The following MIS18BP1 variants were observed in gnomAD, a reference collection of about 807,000 sequenced individuals.
MIS18BP1 encodes the protein MIS18 binding protein 1.
Under a neutral mutation model 116.1 loss-of-function variants are expected in MIS18BP1, and 72 were observed. That is an observed-to-expected ratio of 0.62 (90% CI 0.51 to 0.75). The LOEUF is 0.75. Among genes scored for constraint, MIS18BP1 ranks in the 30% least tolerant of loss-of-function variants. The probability of loss-of-function intolerance (pLI) is 0.00; values close to 1 mark genes in which losing one functional copy is unlikely to be tolerated. For missense variants in MIS18BP1, 1,363 were observed against 1,303.2 expected, an observed-to-expected ratio of 1.05 and a Z score of -0.71; for synonymous variants, 386 against 427.0, an observed-to-expected ratio of 0.90 and a Z score of 1.18.
At chr14:45,210,066 A>C (rs551354546) in intron 14 of MIS18BP1, 24 of 193,038 alleles carry the variant, frequency 1.2e-4, no homozygotes, top group African/African-American at 5.4e-4. Context: ...TAGAAAGACC[A>C]TCACTAATCT....
chr14:45,223,777 A>G lies in MIS18BP1; in HGVS notation c.2669+141T>C, dbSNP rs146564995. On this transcript the variant is annotated intron_variant, in intron 11 of 16. Coordinates refer to ENST00000310806, the MANE Select transcript of MIS18BP1 (RefSeq NM_018353.5). ...TACCACTAGGAGTTATGTGTAGTCTATCTCCATTCCCTGTGCAAATTATAA... is the reference window on the plus strand; with the variant it reads ...TACCACTAGGAGTTATGTGTAGTCTGTCTCCATTCCCTGTGCAAATTATAA... 685 of 600,176 alleles carry G rather than the reference A, an allele frequency of 1.1e-3. 2 individuals are homozygous for G. Among genetic ancestry groups the G allele is most frequent in the Non-Finnish European group, 1.3e-3 (482 of 360,340 alleles). 37.2% of individuals were successfully genotyped at this position (600,176 alleles called of 1,614,324 possible). A position where few individuals can be genotyped will look rare whatever the true frequency, so the allele number is the denominator to read the frequency against.
chr14:45,241,195 T>G (rs1234024240), intron 4 of MIS18BP1, among the ~76,000 whole-genome samples: 11 of 152,318 alleles, frequency 7.2e-5, no homozygotes, highest in Admixed American at 6.5e-4. Flanking sequence ...AATGGCTGGA[T>G]GCAGTGGCTC....
intron 9 of MIS18BP1, 81 bp from the exon 10 acceptor site, chr14:45,226,917 A>C: frequency 8.9e-7 from 1 of 1,127,632 alleles, no homozygotes; most frequent in African/African-American, 1.6e-5. Context: ...AGTATGCATC[A>C]AGCATACAAA....
chr14:45,206,268 A>G (rs1360888932), intron 14 of MIS18BP1, 98 bp from the exon 15 acceptor site: 7 of 745,510 alleles, frequency 9.4e-6, no homozygotes, highest in Non-Finnish European at 1.3e-5. Context: ...GTTGAACAAC[A>G]ATTGCCTAAA....
rs112079231 is a variant in MIS18BP1 at position 45,248,363 on chromosome 14, G to A, written c.-91-986C>T. Among the ~76,000 whole-genome samples, 667 of 151,934 alleles carry A rather than the reference G, an allele frequency of 4.4e-3. 10 individuals are homozygous for A. The highest frequency in any genetic ancestry group is 0.015 in the African/African-American group (620 of 41,436). ...GTTACAGGTGTGAGCCACCGCGCCC[G>A]GCCACAACTTGTTTCTTATGTATAA... On this transcript the variant is annotated intron_variant, in intron 1 of 16. Transcript: ENST00000310806.
chr14:45,237,302 T>C (rs1891456811), intron 5 of MIS18BP1, among the ~76,000 whole-genome samples: 1 of 152,216 alleles, frequency 6.6e-6, no homozygotes, highest in African/African-American at 2.4e-5. Flanking sequence ...TGTCCCAATT[T>C]AGATGTGAGA....
chr14:45,242,707 A>G, intron 3 of MIS18BP1, 54 bp downstream of exon 3: 1 of 1,511,160 alleles, frequency 6.6e-7, no homozygotes, highest in Non-Finnish European at 9.0e-7. Flanking sequence ...ATTACCTAGA[A>G]CATTTAACAA....
At position 45,231,285 on chromosome 14, in the gene MIS18BP1, T is replaced by C. The variant is rs1891271637; in HGVS notation, c.1450A>G (p.Asn484Asp). Residue 484 changes from asparagine (N) to aspartate (D), a missense_variant, in exon 8 of 17, where the codon AAC (asparagine) becomes GAC (aspartate). Transcript: ENST00000310806. ...TGTTTTTGTTTGGTCTTTTCCCTGT[T>C]CTTTTCACCAGCCCTTTAAAAACAA... ...FLEQLRAGEKNREKTKQKQKT... is the reference protein window; with the variant it reads ...FLEQLRAGEKDREKTKQKQKT... 1.3e-6 allele frequency: 2 copies of C among 1,599,782 alleles called. No individual in the cohort carries two copies. Among genetic ancestry groups the C allele is most frequent in the South Asian group, 2.3e-5 (2 of 87,756 alleles).
At chr14:45,220,756 G>A (rs1890950403) in intron 11 of MIS18BP1, among the ~76,000 whole-genome samples, 1 of 152,200 alleles carries the variant, frequency 6.6e-6, no homozygotes, top group Non-Finnish European at 1.5e-5. Flanking sequence ...GGGAGAGGGA[G>A]GAGCTTGGCA....
At position 45,211,923 on chromosome 14, in the gene MIS18BP1, A is replaced by C. The variant is rs1890684685; in HGVS notation, c.3004-1395T>G. 4.6e-5 allele frequency among the ~76,000 whole-genome samples: 7 copies of C among 152,358 alleles called. No individual in the cohort carries two copies. The South Asian group carries it at 1.4e-3, about 32-fold the overall frequency. On this transcript the variant is annotated intron_variant, in intron 13 of 16. Transcript: ENST00000310806. ...ACAAAGAGAATGTGACATTTTGAAG[A>C]AGTCGACAAATGTTGGAACCAGGTG... is the stretch of plus-strand genomic sequence containing the variant.
chr14:45,247,465 T>G, intron 1 of MIS18BP1, 88 bp from the exon 2 acceptor site: 1 of 491,688 alleles, frequency 2.0e-6, no homozygotes, highest in East Asian at 3.3e-5. Flanking sequence ...TTATACTAAT[T>G]AAAATGTTTA....
At chr14:45,222,071 CTTTT>C (rs1413054276) in intron 11 of MIS18BP1, among the ~76,000 whole-genome samples, 1 of 152,090 alleles carries the variant, frequency 6.6e-6, no homozygotes, top group Non-Finnish European at 1.5e-5. Context: ...CTCAAGCTTT[CTTTT>C]GATTTGTGTT....
At chr14:45,217,944 C>G (rs980266827) in intron 12 of MIS18BP1, among the ~76,000 whole-genome samples, 6 of 152,126 alleles carry the variant, frequency 3.9e-5, no homozygotes, top group Non-Finnish European at 8.8e-5. Flanking sequence ...ACTATGAAAA[C>G]TGAATATTTT....
At chr14:45,252,562 A>C (rs1005824729) in intron 1 of MIS18BP1, among the ~76,000 whole-genome samples, 1 of 152,190 alleles carries the variant, frequency 6.6e-6, no homozygotes, top group African/African-American at 2.4e-5. Context: ...GGCCTCCCAA[A>C]GTGTGGGATC....
At chr14:45,236,710 T>C (rs760691969) in intron 5 of MIS18BP1, among the ~76,000 whole-genome samples, 77 of 152,138 alleles carry the variant, frequency 5.1e-4, no homozygotes, top group Non-Finnish European at 9.1e-4. Context: ...TTAAGAAACT[T>C]TTAAATAACA....
At chr14:45,223,647 AT>A (rs1403060536) in intron 11 of MIS18BP1, among the ~76,000 whole-genome samples, 1 of 152,108 alleles carries the variant, frequency 6.6e-6, no homozygotes, top group Non-Finnish European at 1.5e-5. Context: ...AGAGAGTACT[AT>A]TTGGCTATCT....
chr14:45,212,539 G>A (rs951051501), intron 13 of MIS18BP1, among the ~76,000 whole-genome samples: 3 of 152,042 alleles, frequency 2.0e-5, no homozygotes, highest in African/African-American at 7.3e-5. Context: ...ATACTTAATC[G>A]CAGCCAGCAC....
At position 45,224,552 on chromosome 14, in the gene MIS18BP1, T is replaced by C. The variant is rs1296352279; in HGVS notation, c.2035A>G (p.Thr679Ala). The C allele has an allele frequency of 1.1e-5, 18 of 1,612,734 alleles. No homozygotes were observed. The highest frequency in any genetic ancestry group is 2.7e-5 in the African/African-American group (2 of 74,814). ...NLSAGTIKAV[T>A]DFVIPECQKK... is the part of the protein sequence containing the mutation. ...TGACACTCTGGTATTACAAAATCTG[T>C]TACTGCTTTGATGGTGCCAGCGGAC... Residue 679 changes from threonine (T) to alanine (A), a missense_variant, in exon 11 of 17, where the codon ACA (threonine) becomes GCA (alanine). By Grantham distance (58) the Thr-to-Ala change is moderately conservative (BLOSUM62 0). Coordinates refer to ENST00000310806, the MANE Select transcript of MIS18BP1 (RefSeq NM_018353.5).
At chr14:45,246,416 A>G (rs752118043) in intron 2 of MIS18BP1, among the ~76,000 whole-genome samples, 3 of 152,158 alleles carry the variant, frequency 2.0e-5, no homozygotes, top group Non-Finnish European at 4.4e-5. Flanking sequence ...TGTATCTGTC[A>G]TCTCATTCAA....
Sources: allele counts gnomAD v4.1 joint callset (sites outside exome capture counted in the v4.1 genomes callset), GRCh38; gene constraint gnomAD v4.1.1; transcripts MANE v1.5; gene names NCBI Gene and HGNC (gene_info 2026-07-23, HGNC 2026-07-21).